The following STAG2 variants were observed in gnomAD, a reference collection of about 807,000 sequenced individuals.
STAG2 encodes cohesin subunit SA-2.
STAG2 carries 14 observed loss-of-function variants against 108.1 expected under a neutral mutation model. The ratio of observed to expected loss-of-function variants is 0.13; its 90% CI spans 0.09 to 0.20. The LOEUF is 0.20. STAG2 is among the 10% of genes least tolerant of loss of function. The probability of loss-of-function intolerance (pLI) is 1.00; values close to 1 mark genes in which losing one functional copy is unlikely to be tolerated. For missense variants in STAG2, 440 were observed against 940.9 expected (o/e 0.47, Z 6.96); for synonymous variants, 307 against 302.7 (o/e 1.01, Z -0.15).
At chrX:123,968,141 C>T (rs780217997) in intron 1 of STAG2, among the ~76,000 whole-genome samples, 2 of 111,436 alleles carry the variant, frequency 1.8e-5, no homozygotes, top group African/African-American at 3.3e-5. Flanking sequence ...CCTCGTGATC[C>T]GCCTGCCTCA....
chrX:123,966,917 CTT>C (rs2054119894), intron 1 of STAG2, among the ~76,000 whole-genome samples: 1 of 111,477 alleles, frequency 9.0e-6, no homozygotes, highest in Admixed American at 9.6e-5. Flanking sequence ...GAGTTTTGCT[CTT>C]GTTGCCCAGG....
chrX:124,093,916 C>G, intron 32 of STAG2, 102 bp from the exon 33 acceptor site: 1 of 915,375 alleles, frequency 1.1e-6, no homozygotes, highest in Middle Eastern at 2.7e-4. Flanking sequence ...TTAATTCCAT[C>G]ATTTTCCATT....
At chrX:123,994,151 T>G (rs2055615306) in intron 1 of STAG2, among the ~76,000 whole-genome samples, 1 of 111,478 alleles carries the variant, frequency 9.0e-6, no homozygotes, top group Non-Finnish European at 1.9e-5. Context: ...GTAGATAAGG[T>G]CAAAGGGGAA....
chrX:124,029,194 A>T (rs1488634369), intron 4 of STAG2, among the ~76,000 whole-genome samples: 16 of 103,482 alleles, frequency 1.5e-4, no homozygotes, highest in South Asian at 1.3e-3. Context: ...TTTTTTTGTA[A>T]TTTTAGTAGA....
chrX:123,972,904 C>T (rs1028854703), intron 1 of STAG2, among the ~76,000 whole-genome samples: 4 of 92,075 alleles, frequency 4.3e-5, no homozygotes, highest in Non-Finnish European at 8.5e-5. Context: ...ACCGAATCAG[C>T]CTGGCGTGGT....
intron 1 of STAG2, among the ~76,000 whole-genome samples, chrX:123,973,262 G>A (rs1367635758): frequency 9.1e-6 from 1 of 110,192 alleles, no homozygotes; most frequent in African/African-American, 3.3e-5. Flanking sequence ...ATGGGGGACC[G>A]GGTGCGGTAG....
intron 1 of STAG2, among the ~76,000 whole-genome samples, chrX:124,012,837 A>T (rs1203610816): frequency 9.0e-6 from 1 of 111,597 alleles, no homozygotes; most frequent in Admixed American, 9.6e-5. Flanking sequence ...TTCTATCTTC[A>T]TTATCATGCA....
Position 124,072,742 on chromosome X carries a change from C to G in STAG2, c.2533+1419C>G, listed in dbSNP as rs187187483. ...TTGAGATGGAGTCTCACTCTGCTAT[C>G]CAGGGTGGAGTGCAGTGGCACAATC... On this transcript the variant is annotated intron_variant, in intron 25 of 34. Transcript: ENST00000371145. Among the ~76,000 whole-genome samples, 150 of 109,543 alleles carry G rather than the reference C, an allele frequency of 1.4e-3. 1 individual carries two copies. Among genetic ancestry groups the G allele is most frequent in the African/African-American group, 4.8e-3 (145 of 30,149 alleles).
upstream of STAG2, chrX:123,960,900 G>T (rs2053818376): frequency 8.9e-6 from 1 of 112,010 alleles, no homozygotes. Flanking sequence ...GAAGCTTCTA[G>T]AAGTTTGGAG....
At chrX:124,068,486 C>A in intron 23 of STAG2, 78 bp from the exon 24 acceptor site, 2 of 615,191 alleles carry the variant, frequency 3.3e-6, no homozygotes. Flanking sequence ...TAATGTTTTA[C>A]ATAATTGAAA....
chrX:124,086,835 G>T (rs997042648), intron 30 of STAG2, 65 bp downstream of exon 30: 1 of 872,763 alleles, frequency 1.1e-6, no homozygotes, highest in Non-Finnish European at 1.6e-6. Flanking sequence ...TGTCATTAAG[G>T]TTCACCTTAT....
intron 5 of STAG2, among the ~76,000 whole-genome samples, chrX:124,031,934 T>C (rs112755178): frequency 2.5e-4 from 27 of 110,028 alleles, no homozygotes; most frequent in Non-Finnish European, 4.7e-4. Context: ...TTCACCATGT[T>C]GGCCAGGCTG....
At chrX:124,040,349 TTCTTTC>T (rs757671892) in intron 6 of STAG2, among the ~76,000 whole-genome samples, 160 of 111,282 alleles carry the variant, frequency 1.4e-3, no homozygotes, top group Non-Finnish European at 2.7e-3. Context: ...TTTTCTTTTT[TTCTTTC>T]TCTTTTCTTT....
rs1267462737 is a variant in STAG2, at chrX:124,082,634, TC to T, written c.2925-785del. On this transcript the variant is annotated intron_variant, in intron 28 of 34. Coordinates refer to ENST00000371145, the MANE Select transcript of STAG2 (RefSeq NM_001042750.2). ...GTCTTGAACCCCTGGCCTCAAGAGA[TC>T]CTCCCACTTAGGCCACCAAAAGCAC... Among the ~76,000 whole-genome samples, 5 of 110,603 alleles carry T rather than the reference TC, an allele frequency of 4.5e-5. No homozygotes were observed. In the Admixed American group the frequency reaches 4.8e-4, roughly 11 times the overall value.
intron 19 of STAG2, among the ~76,000 whole-genome samples, chrX:124,063,627 A>G (rs187748957): frequency 3.6e-5 from 4 of 112,038 alleles, no homozygotes; most frequent in East Asian, 2.8e-4. Context: ...CATTCTCACC[A>G]TAGCCCTATG....
At position 124,025,897 on chromosome X, in the gene STAG2, C is replaced by A; in HGVS notation, c.102C>A (p.Asn34Lys). 1 of 1,188,081 alleles carries A rather than the reference C, an allele frequency of 8.4e-7. No individual in the cohort carries two copies. Among genetic ancestry groups the A allele is most frequent in the Non-Finnish European group, 1.1e-6 (1 of 881,801 alleles). Residue 34 changes from asparagine to lysine, a missense_variant, in exon 4 of 35, where the codon AAC becomes AAA. Transcript: ENST00000371145. ...DTDFEDIEGKNQKQGKGKTCK... is the reference protein window; with the variant it reads ...DTDFEDIEGKKQKQGKGKTCK... The stretch of plus-strand genomic sequence containing the variant: ...ATTTTGAAGATATCGAAGGAAAAAA[C>A]CAAAAGCAAGGCAAAGGCAAAGTAT...
chrX:124,028,822 A>ATATATATTTT (rs1296806013), intron 4 of STAG2, among the ~76,000 whole-genome samples: 29 of 38,966 alleles, frequency 7.4e-4, no homozygotes, highest in African/African-American at 3.2e-3. Flanking sequence ...ATATATATAT[A>ATATATATTTT]TTTTTTTTTT....
At chrX:124,055,895 T>C (rs1199533267) in intron 13 of STAG2, among the ~76,000 whole-genome samples, 1 of 112,245 alleles carries the variant, frequency 8.9e-6, no homozygotes, top group Non-Finnish European at 1.9e-5. Context: ...ACATAATTCT[T>C]TTAAACGTTT....
At chrX:123,978,154 CT>C (rs778721456) in intron 1 of STAG2, among the ~76,000 whole-genome samples, 2,178 of 80,970 alleles carry the variant, frequency 0.027, 60 homozygotes, top group African/African-American at 0.081. Flanking sequence ...CTACTGAGTT[CT>C]TTTTTTTTTT....
Sources: gnomAD v4.1 joint callset for allele counts (sites outside exome capture counted in the v4.1 genomes callset) on GRCh38, gnomAD v4.1.1 for gene constraint, MANE v1.5 for transcripts, NCBI Gene and HGNC (gene_info 2026-07-23, HGNC 2026-07-21) for gene names.